Variants in SLC22A24 observed in about 807,000 individuals in gnomAD.
SLC22A24 encodes the protein steroid transmembrane transporter SLC22A24.
SLC22A24 carries 53 observed loss-of-function variants against 49.8 expected under a neutral mutation model. That is an observed-to-expected ratio of 1.06 (90% CI 0.85 to 1.34). The LOEUF (loss-of-function observed/expected upper bound fraction) is 1.34. SLC22A24 is among the 40% of genes most tolerant of loss of function. The pLI, the probability that SLC22A24 is intolerant of heterozygous loss-of-function variation, is 0.00. For synonymous variants in SLC22A24, 302 were observed against 256.4 expected, an observed-to-expected ratio of 1.18 and a Z score of -1.70; for missense variants, 786 against 675.9, an observed-to-expected ratio of 1.16 and a Z score of -1.81.
intron 4 of SLC22A24, among the ~76,000 whole-genome samples, chr11:63,110,232 G>A (rs1228203285): frequency 6.6e-6 from 1 of 151,968 alleles, no homozygotes; most frequent in Non-Finnish European, 1.5e-5. Flanking sequence ...CCAGTACCAT[G>A]CTGTTTTGGT....
chr11:63,081,022 A>G lies in SLC22A24; in HGVS notation c.1496T>C (p.Ile499Thr). The G allele has an allele frequency of 6.4e-7, 1 of 1,551,766 alleles. No homozygotes were observed. ...LMAYSPHLPW[I>T]SYGVFPILAV... ...AAGGATGGGGAAGACTCCATAGGAA[A>G]TCCAGGGTAGGTGGGGAGAATACGC... Residue 499 changes from isoleucine to threonine, a missense_variant, in exon 9 of 10, where the codon ATT becomes ACT. By Grantham distance (89) the Ile-to-Thr change is moderately conservative. Transcript: ENST00000612278.
intron 2 of SLC22A24, among the ~76,000 whole-genome samples, chr11:63,122,361 A>G (rs1228240096): frequency 6.6e-6 from 1 of 152,136 alleles, no homozygotes; most frequent in Non-Finnish European, 1.5e-5. Context: ...GACTCATTCC[A>G]CCATATCTGA....
chr11:63,119,000 G>T lies in SLC22A24; in HGVS notation c.742C>A (p.Leu248Ile). 1 of 1,551,686 alleles carries T rather than the reference G, an allele frequency of 6.4e-7. No individual in the cohort carries two copies. Among genetic ancestry groups the T allele is most frequent in the African/African-American group, 1.4e-5 (1 of 73,148 alleles). The change falls in exon 4 of 10, where the codon CTA becomes ATA. Residue 248 changes from leucine to isoleucine, a missense_variant. By Grantham distance (5) the Leu-to-Ile change is conservative. Transcript: ENST00000612278. ...TGAATGGCAAAAGCCAGCCCTCCTA[G>T]GAGCATCTGCCCAACACTGTAGGAA... ...LCSYSVGQML[L>I]GGLAFAIQDW...
chr11:63,129,042 G>A (rs569187092), intron 2 of SLC22A24, among the ~76,000 whole-genome samples: 2 of 152,272 alleles, frequency 1.3e-5, no homozygotes, highest in Admixed American at 6.5e-5. Context: ...TAGTCATGAA[G>A]TCTTTGCTCA....
At chr11:63,093,670 C>A (rs1034917219) in intron 6 of SLC22A24, among the ~76,000 whole-genome samples, 1 of 151,910 alleles carries the variant, frequency 6.6e-6, no homozygotes, top group Non-Finnish European at 1.5e-5. Flanking sequence ...TAGAGGGGAA[C>A]AATAGACACT....
At chr11:63,081,814 C>A (rs556312321) in intron 7 of SLC22A24, 148 bp from the exon 8 acceptor site, 2 of 644,798 alleles carry the variant, frequency 3.1e-6, no homozygotes, top group East Asian at 2.7e-5. Context: ...GGAATGGTTG[C>A]GAGGCTGAGA....
At position 63,119,334 on chromosome 11, in the gene SLC22A24, C is replaced by A; in HGVS notation, c.508G>T (p.Val170Phe). Residue 170 changes from valine (V) to phenylalanine (F), a missense_variant and splice_region_variant, in exon 3 of 10, where the codon GTT becomes TTT. Coordinates refer to ENST00000612278, the MANE Select transcript of SLC22A24 (RefSeq NM_001136506.2). ...AATTTGCATATGATCTTCCGTCCAA[C>A]CCTAAGAAATATTAAACCAGATAAC... ...GLIYGHLSDR[V>F]GRKIICKLCF... The A allele has an allele frequency of 6.5e-7, 1 of 1,527,272 alleles. No homozygotes were observed. The highest frequency in any genetic ancestry group is 2.5e-5 in the East Asian group (1 of 40,748). 94.6% of individuals were successfully genotyped at this position (1,527,272 alleles called of 1,614,324 possible).
At chr11:63,109,894 T>G (rs1171961022) in intron 4 of SLC22A24, among the ~76,000 whole-genome samples, 1 of 152,032 alleles carries the variant, frequency 6.6e-6, no homozygotes, top group African/African-American at 2.4e-5. Context: ...GCCATTGCTT[T>G]TGGTGTTTTA....
intron 4 of SLC22A24, among the ~76,000 whole-genome samples, chr11:63,113,543 G>T (rs1001148600): frequency 6.6e-6 from 1 of 151,874 alleles, no homozygotes; most frequent in Non-Finnish European, 1.5e-5. Flanking sequence ...GAAATTCTGG[G>T]GTTGAAAATT....
intron 2 of SLC22A24, among the ~76,000 whole-genome samples, chr11:63,124,274 A>G (rs1266254178): frequency 1.3e-5 from 2 of 152,138 alleles, no homozygotes; most frequent in African/African-American, 2.4e-5. Flanking sequence ...AGTGCAGTGG[A>G]ATACTGTTGA....
chr11:63,093,095 T>C (rs1433631111), intron 6 of SLC22A24, among the ~76,000 whole-genome samples: 1 of 152,062 alleles, frequency 6.6e-6, no homozygotes, highest in African/African-American at 2.4e-5. Flanking sequence ...AAAAAGCTCA[T>C]CGTCACTGGT....
chr11:63,118,873 G>A (rs1435773529), intron 4 of SLC22A24, 39 bp downstream of exon 4: 17 of 1,549,708 alleles, frequency 1.1e-5, no homozygotes, highest in Middle Eastern at 1.7e-4. Context: ...GTCTACCATA[G>A]CCTCGCTTAC....
At chr11:63,115,006 G>A (rs2087201625) in intron 4 of SLC22A24, among the ~76,000 whole-genome samples, 1 of 152,212 alleles carries the variant, frequency 6.6e-6, no homozygotes, top group South Asian at 2.1e-4. Flanking sequence ...TCCCAGTTAG[G>A]CTACATAGGG....
chr11:63,119,642 C>A (rs1332934533), intron 2 of SLC22A24, among the ~76,000 whole-genome samples: 3 of 152,092 alleles, frequency 2.0e-5, no homozygotes, highest in African/African-American at 7.2e-5. Flanking sequence ...AATGTTTATT[C>A]TACAAAACAT....
At chr11:63,102,401 C>T (rs893913401) in intron 5 of SLC22A24, among the ~76,000 whole-genome samples, 1 of 152,044 alleles carries the variant, frequency 6.6e-6, no homozygotes, top group Non-Finnish European at 1.5e-5. Context: ...AAAAAAAATA[C>T]AGCCTCTAGG....
chr11:63,088,380 A>ACATCAACATCAC (rs2086999996), intron 6 of SLC22A24, among the ~76,000 whole-genome samples: 1 of 151,864 alleles, frequency 6.6e-6, no homozygotes, highest in Non-Finnish European at 1.5e-5. Context: ...TACAACATCA[A>ACATCAACATCAC]CATCAACATC....
chr11:63,096,901 A>G (rs148686905), intron 5 of SLC22A24, among the ~76,000 whole-genome samples: 1 of 152,270 alleles, frequency 6.6e-6, no homozygotes, highest in East Asian at 1.9e-4. Flanking sequence ...CATTTAGAAA[A>G]TGAATTTAGC....
At chr11:63,127,117 G>A (rs7952404) in intron 2 of SLC22A24, among the ~76,000 whole-genome samples, 120,948 of 152,030 alleles carry the variant, frequency 0.8, 49,200 homozygotes, top group East Asian at 0.9. Context: ...TCCTAATGCT[G>A]TCACTGCCCC....
chr11:63,143,607 G>C lies in SLC22A24; in HGVS notation c.173C>G (p.Thr58Ser), dbSNP rs1939748. The C allele has an allele frequency of 0.83, 1,312,904 of 1,574,552 alleles. 551,601 individuals are homozygous for C. Among genetic ancestry groups the C allele is most frequent in the East Asian group, 0.91 (38,627 of 42,608 alleles). ...RCWVPLLDND[T>S]VSDNDTGTLS... ...GGTCCCGGTATCATTGTCAGACACA[G>C]TGTCATTGTCCAGGAGGGGGACCCA... is the stretch of plus-strand genomic sequence containing the variant. Residue 58 changes from threonine to serine, a missense_variant, in exon 1 of 10, where the codon ACT becomes AGT. By Grantham distance (58) the Thr-to-Ser change is moderately conservative. Coordinates refer to ENST00000612278, the MANE Select transcript of SLC22A24 (RefSeq NM_001136506.2).
Sources: allele counts gnomAD v4.1 joint callset (sites outside exome capture counted in the v4.1 genomes callset), GRCh38; gene constraint gnomAD v4.1.1; transcripts MANE v1.5; gene names NCBI Gene and HGNC (gene_info 2026-07-23, HGNC 2026-07-21).